CADM2: variants seen among roughly 807,000 people sequenced by gnomAD.
CADM2 encodes the protein cell adhesion molecule 2, also known as immunoglobulin superfamily member 4D.
A neutral mutation model predicts 49.8 loss-of-function variants in CADM2; 12 were observed. That is an observed-to-expected ratio of 0.24 (90% CI 0.15 to 0.39). CADM2 has a LOEUF of 0.39. Among genes scored for constraint, CADM2 ranks in the 10% least tolerant of loss-of-function variants. The pLI is 1.00. For missense variants in CADM2, 378 were observed against 492.3 expected, an observed-to-expected ratio of 0.77 and a Z score of 2.20; for synonymous variants, 214 against 175.4, an observed-to-expected ratio of 1.22 and a Z score of -1.74.
In CADM2 at chr3:85,705,167, C is replaced by T. The variant is rs137990031; in HGVS notation, c.62-21355C>T. Among the ~76,000 whole-genome samples, 887 of 151,354 alleles carry T rather than the reference C, an allele frequency of 5.9e-3. 12 individuals carry two copies. The highest frequency in any genetic ancestry group is 0.021 in the African/African-American group (856 of 41,248). On this transcript the variant is annotated intron_variant, in intron 1 of 9. Coordinates refer to ENST00000383699, the MANE Select transcript of CADM2 (RefSeq NM_001167675.2). ...AGGTGTGAGCCAGTGCATCCCGCCC[C>T]CTTCTTTTCATTCTTATTTAACAAA...
At chr3:86,020,635 C>T (rs941470129) in intron 8 of CADM2, among the ~76,000 whole-genome samples, 1 of 151,904 alleles carries the variant, frequency 6.6e-6, no homozygotes, top group African/African-American at 2.4e-5. Context: ...AAAGCTTATC[C>T]ACCATTATCA....
chr3:85,245,957 A>G (rs1198256434), intron 1 of CADM2, among the ~76,000 whole-genome samples: 1 of 152,238 alleles, frequency 6.6e-6, no homozygotes, highest in African/African-American at 2.4e-5. Flanking sequence ...AGAACTAAAA[A>G]CTATATTTGT....
chr3:85,770,334 G>A (rs539101411), intron 2 of CADM2, among the ~76,000 whole-genome samples: 1 of 151,958 alleles, frequency 6.6e-6, no homozygotes, highest in Admixed American at 6.6e-5. Flanking sequence ...TTGAGATAGG[G>A]CCTCGCTCTG....
At chr3:85,637,712 C>T (rs1448415786) in intron 1 of CADM2, among the ~76,000 whole-genome samples, 1 of 151,694 alleles carries the variant, frequency 6.6e-6, no homozygotes. Context: ...CAAAAAATGA[C>T]AATAACTTAG....
chr3:85,212,812 C>CTCTTCCTTTCTTTCTT (rs2041810611), intron 1 of CADM2, among the ~76,000 whole-genome samples: 1 of 102,542 alleles, frequency 9.8e-6, no homozygotes, highest in South Asian at 3.7e-4. Context: ...TCTTTTTCTT[C>CTCTTCCTTTCTTTCTT]TCTTTCTTTC....
intron 1 of CADM2, among the ~76,000 whole-genome samples, chr3:85,394,737 C>G (rs1335431358): frequency 6.6e-6 from 1 of 152,054 alleles, no homozygotes; most frequent in Admixed American, 6.6e-5. Context: ...TCTTTATAAG[C>G]TATTCATTGT....
At chr3:85,261,815 A>G (rs1047117965) in intron 1 of CADM2, among the ~76,000 whole-genome samples, 1 of 152,102 alleles carries the variant, frequency 6.6e-6, no homozygotes. Flanking sequence ...ATTAAAAACA[A>G]AACAAAACAA....
chr3:84,991,929 TG>T (rs2032913089), intron 1 of CADM2, among the ~76,000 whole-genome samples: 1 of 152,112 alleles, frequency 6.6e-6, no homozygotes, highest in African/African-American at 2.4e-5. Context: ...TCCAACTATA[TG>T]ATATTCTGGA....
At chr3:85,508,348 C>T (rs2040450175) in intron 1 of CADM2, among the ~76,000 whole-genome samples, 2 of 152,186 alleles carry the variant, frequency 1.3e-5, no homozygotes, top group South Asian at 2.1e-4. Flanking sequence ...TTCCTGGTCT[C>T]TGTCTTATAC....
chr3:85,920,012 C>T (rs866952186), intron 6 of CADM2, among the ~76,000 whole-genome samples: 1 of 151,864 alleles, frequency 6.6e-6, no homozygotes, highest in Middle Eastern at 3.4e-3. Context: ...TAATAAAGTT[C>T]TTATCTATGC....
At chr3:85,887,851 T>C (rs1224772791) in intron 5 of CADM2, among the ~76,000 whole-genome samples, 4 of 152,178 alleles carry the variant, frequency 2.6e-5, no homozygotes, top group Admixed American at 2.6e-4. Context: ...TCCAGAGTTA[T>C]CTTACTACAA....
At chr3:85,795,444 A>C (rs774735210) in intron 2 of CADM2, among the ~76,000 whole-genome samples, 3 of 152,310 alleles carry the variant, frequency 2.0e-5, no homozygotes, top group Non-Finnish European at 4.4e-5. Flanking sequence ...TGTATTGGGA[A>C]AAACTAAGTT....
At chr3:85,786,051 C>T (rs2070967124) in intron 2 of CADM2, among the ~76,000 whole-genome samples, 1 of 151,956 alleles carries the variant, frequency 6.6e-6, no homozygotes. Flanking sequence ...CCTTTCCTCC[C>T]AATATGATAG....
chr3:85,612,868 C>G (rs2063713880), intron 1 of CADM2, among the ~76,000 whole-genome samples: 1 of 151,574 alleles, frequency 6.6e-6, no homozygotes, highest in Admixed American at 6.6e-5. Context: ...GTGTATTTAC[C>G]ATAAAATAAC....
At chr3:85,042,803 A>T (rs1223792500) in intron 1 of CADM2, among the ~76,000 whole-genome samples, 3 of 152,144 alleles carry the variant, frequency 2.0e-5, no homozygotes, top group Non-Finnish European at 2.9e-5. Flanking sequence ...AGGAGGCTCA[A>T]GATCACCTCT....
Position 85,883,540 on chromosome 3 carries a change from A to C in CADM2, c.391+97A>C, listed in dbSNP as rs189221545. 26 of 1,030,694 alleles carry C rather than the reference A, an allele frequency of 2.5e-5. No homozygotes were observed. In the East Asian group the frequency reaches 7.2e-4, roughly 28 times the overall value. 63.8% of individuals were successfully genotyped at this position (1,030,694 alleles called of 1,614,324 possible). ...AATACAAAAATATATTTTGAAGATT[A>C]TATGAATAGATATGGTTTAATCCTT... On this transcript the variant is annotated intron_variant, in intron 4 of 9. Coordinates refer to ENST00000383699, the MANE Select transcript of CADM2 (RefSeq NM_001167675.2).
chr3:85,724,042 ATAAC>A (rs1254436534), intron 1 of CADM2, among the ~76,000 whole-genome samples: 1 of 152,020 alleles, frequency 6.6e-6, no homozygotes, highest in Non-Finnish European at 1.5e-5. Context: ...CACACAAAAA[ATAAC>A]TAAATAAAAA....
chr3:86,055,549 C>A (rs546762047), intron 8 of CADM2, among the ~76,000 whole-genome samples: 23 of 141,228 alleles, frequency 1.6e-4, no homozygotes, highest in African/African-American at 6.0e-4. Flanking sequence ...TCACTGCAAA[C>A]TCTGCCTCCT....
intron 1 of CADM2, among the ~76,000 whole-genome samples, chr3:85,525,756 C>T (rs1181980657): frequency 6.6e-6 from 1 of 151,902 alleles, no homozygotes; most frequent in Non-Finnish European, 1.5e-5. Flanking sequence ...TTTGGATTTG[C>T]TATTTATGAC....
Sources: gnomAD v4.1 joint callset for allele counts (sites outside exome capture counted in the v4.1 genomes callset) on GRCh38, gnomAD v4.1.1 for gene constraint, MANE v1.5 for transcripts, NCBI Gene and HGNC (gene_info 2026-07-23, HGNC 2026-07-21) for gene names.